The following RAB5C variants were observed in gnomAD, a reference collection of about 807,000 sequenced individuals.
RAB5C encodes RAB5C, member RAS oncogene family.
A neutral mutation model predicts 25.2 loss-of-function variants in RAB5C; 4 were observed. That is an observed-to-expected ratio of 0.16 (90% confidence interval 0.08 to 0.36). The LOEUF (loss-of-function observed/expected upper bound fraction) is 0.36, where lower values mean the gene tolerates loss of function less well. Among genes scored for constraint, RAB5C ranks in the 10% least tolerant of loss-of-function variants. RAB5C has a pLI of 1.00. For synonymous variants in RAB5C, 100 were observed against 106.4 expected (o/e 0.94, Z 0.37); for missense variants, 199 against 283.8 (o/e 0.70, Z 2.15).
At position 42,135,937 on chromosome 17, in the gene RAB5C, G is replaced by C. The variant is rs796901143; in HGVS notation, c.-88-5347C>G. ...CAGGGCAGGCGGGGCGTAGAGACTA[G>C]CTCACTCAAGGTTAGCCAGGTGGCC... On this transcript the variant is annotated intron_variant, in intron 1 of 5. Transcript: ENST00000346213. 2.0e-5 allele frequency among the ~76,000 whole-genome samples: 3 copies of C among 152,156 alleles called. No homozygotes were observed. The South Asian group carries it at 6.2e-4, about 31-fold the overall frequency.
Position 42,125,862 on chromosome 17 carries a change from G to C in RAB5C, c.572C>G (p.Thr191Ser). 1.2e-6 allele frequency: 2 copies of C among 1,612,022 alleles called. No homozygotes were observed. The highest frequency in any genetic ancestry group is 8.5e-7 in the Non-Finnish European group (1 of 1,179,236). ...KLPKNEPQNATGAPGRNRGVD... is the reference protein window; with the variant it reads ...KLPKNEPQNASGAPGRNRGVD... ...ACCTCGGTTTCGGCCTGGAGCACCA[G>C]TTGCATTCTGGGGCTCGTTCTTGGG... is the stretch of plus-strand genomic sequence containing the variant. Residue 191 changes from threonine (T) to serine (S), a missense_variant, in exon 6 of 6, where the codon ACT becomes AGT. By Grantham distance (58) the Thr-to-Ser change is moderately conservative (BLOSUM62 1). Around this residue, in one of 3 missense-constraint regions of RAB5C, gnomAD observed 154 missense variants for 199.6 expected, o/e 0.77. Transcript: ENST00000346213.
At chr17:42,131,874 G>A (rs969830727) in intron 1 of RAB5C, 21 of 435,670 alleles carry the variant, frequency 4.8e-5, no homozygotes, top group African/African-American at 4.0e-4. Flanking sequence ...GATGTCAACA[G>A]ACATCAGAAT....
chr17:42,125,723 T>A lies in RAB5C; in HGVS notation c.*60A>T. On this transcript the variant is annotated 3_prime_UTR_variant, in exon 6 of 6. Coordinates refer to ENST00000346213, the MANE Select transcript of RAB5C (RefSeq NM_004583.4). ...AGTCGTTAAGTGCGATTGGTTAGAG[T>A]GGATTCCAGTCGGGTCATTCAGGCG... is the stretch of plus-strand genomic sequence containing the variant. 1 of 1,255,638 alleles carries A rather than the reference T, an allele frequency of 8.0e-7. No homozygotes were observed. The allele number at this position is 1,255,638 out of a possible 1,614,324, so 77.8% of individuals were successfully genotyped here.
At chr17:42,130,801 AGAG>A (rs2054477849) in intron 1 of RAB5C, among the ~76,000 whole-genome samples, 1 of 151,756 alleles carries the variant, frequency 6.6e-6, no homozygotes, top group East Asian at 1.9e-4. Context: ...TGAGCTGTAA[AGAG>A]GAGAATGGTC....
At chr17:42,128,530 T>TGGGGGGGGGG in intron 3 of RAB5C, 119 bp downstream of exon 3, 5 of 730,784 alleles carry the variant, frequency 6.8e-6, no homozygotes, top group Non-Finnish European at 8.2e-6. Flanking sequence ...ACAGGAAATC[T>TGGGGGGGGGG]GCCCACCCCC....
At chr17:42,141,351 C>T (rs1423773463) in intron 1 of RAB5C, among the ~76,000 whole-genome samples, 1 of 152,196 alleles carries the variant, frequency 6.6e-6, no homozygotes. Context: ...CAGATGAAAA[C>T]AACCACATTA....
At position 42,154,982 on chromosome 17, in the gene RAB5C, C is replaced by A. The variant is rs1029802180; in HGVS notation, c.-178G>T. The A allele has an allele frequency of 2.0e-5, 3 of 152,292 alleles. No individual in the cohort carries two copies. The highest frequency in any genetic ancestry group is 7.2e-5 in the African/African-American group (3 of 41,476). 9.4% of individuals were successfully genotyped at this position (152,292 alleles called of 1,614,324 possible). On this transcript the variant is annotated 5_prime_UTR_variant, in exon 1 of 6. Coordinates refer to ENST00000346213, the MANE Select transcript of RAB5C (RefSeq NM_004583.4). The stretch of plus-strand genomic sequence containing the variant: ...CCGGCGGTGTCCCAGGCTCCGGCCT[C>A]CACTTCCGCCTTTCAGCCGCTCCGG...
intron 1 of RAB5C, among the ~76,000 whole-genome samples, chr17:42,137,349 G>A (rs2054547754): frequency 6.6e-6 from 1 of 150,862 alleles, no homozygotes. Flanking sequence ...GGATGGAGGA[G>A]TTATAACTTG....
chr17:42,125,985 C>T, intron 5 of RAB5C, 87 bp from the exon 6 acceptor site: 1 of 959,278 alleles, frequency 1.0e-6, no homozygotes, highest in South Asian at 1.5e-5. Context: ...CCTTTATACC[C>T]AATCAGTGGT....
intron 1 of RAB5C, among the ~76,000 whole-genome samples, chr17:42,133,248 G>C (rs2054504153): frequency 6.6e-6 from 1 of 152,168 alleles, no homozygotes; most frequent in South Asian, 2.1e-4. Context: ...TCTGTGGCTG[G>C]GGCACTGGAG....
chr17:42,145,055 C>A, intron 1 of RAB5C, among the ~76,000 whole-genome samples: 1 of 149,508 alleles, frequency 6.7e-6, no homozygotes, highest in East Asian at 2.0e-4. Context: ...GGCCTGTAGT[C>A]CCAGCTACTC....
chr17:42,134,942 T>C (rs2054520631), intron 1 of RAB5C, among the ~76,000 whole-genome samples: 1 of 151,208 alleles, frequency 6.6e-6, no homozygotes, highest in Non-Finnish European at 1.5e-5. Flanking sequence ...CTCTGGACAC[T>C]ACAGGTCAGT....
intron 1 of RAB5C, among the ~76,000 whole-genome samples, chr17:42,131,206 G>A (rs527287742): frequency 2.0e-5 from 3 of 152,232 alleles, no homozygotes; most frequent in South Asian, 4.1e-4. Flanking sequence ...AGGACTGACC[G>A]ACTTTCAGTC....
chr17:42,131,234 C>T (rs1168811562), intron 1 of RAB5C, among the ~76,000 whole-genome samples: 3 of 152,188 alleles, frequency 2.0e-5, no homozygotes. Context: ...GGACTGTGTG[C>T]CTCTGTGCAC....
At chr17:42,135,170 C>T (rs1050375268) in intron 1 of RAB5C, among the ~76,000 whole-genome samples, 14 of 151,578 alleles carry the variant, frequency 9.2e-5, no homozygotes, top group African/African-American at 2.7e-4. Flanking sequence ...TTTTTTGTAG[C>T]GGCGGGGTTT....
intron 1 of RAB5C, 121 bp downstream of exon 1, chr17:42,154,772 G>A (rs969701651): frequency 3.3e-5 from 5 of 152,324 alleles, no homozygotes; most frequent in African/African-American, 9.7e-5. Flanking sequence ...CCCTCAAGAG[G>A]GGGCTACGGG....
chr17:42,137,980 A>C lies in RAB5C; in HGVS notation c.-88-7390T>G, dbSNP rs192793138. On this transcript the variant is annotated intron_variant, in intron 1 of 5. Transcript: ENST00000346213. ...AAATGTTAAACACAAATAAGGTGCA[A>C]GACAATGGGATTCCTCATAAAAAAT... 25 of 152,456 alleles carry C rather than the reference A, an allele frequency of 1.6e-4. No individual in the cohort carries two copies. In the East Asian group the frequency reaches 4.1e-3, roughly 25 times the overall value. The allele number at this position is 152,456 out of a possible 1,614,324, so 9.4% of individuals were successfully genotyped here. A position where few individuals can be genotyped will look rare whatever the true frequency, so the allele number is the denominator to read the frequency against.
chr17:42,150,501 G>A lies in RAB5C; in HGVS notation c.-89+4392C>T, dbSNP rs1406512454. Among the ~76,000 whole-genome samples the A allele has an allele frequency of 8.2e-5, 9 of 110,076 alleles. No individual in the cohort carries two copies. In the South Asian group the frequency reaches 9.2e-4, roughly 11 times the overall value. 72.2% of individuals were successfully genotyped at this position (110,076 alleles called of 152,430 possible). ...AGAGGTTGCAGTGAGCCAAGATCAC[G>A]CCATTGCACTCCAGCCTGGGAGACA... On this transcript the variant is annotated intron_variant, in intron 1 of 5. Transcript: ENST00000346213.
At chr17:42,128,501 T>G (rs1327044122) in intron 3 of RAB5C, 118 bp from the exon 4 acceptor site, 29 of 1,456,350 alleles carry the variant, frequency 2.0e-5, no homozygotes, top group South Asian at 2.9e-5. Flanking sequence ...ACCTAAAGAT[T>G]CTGATGCAAT....
Sources: allele counts gnomAD v4.1 joint callset (sites outside exome capture counted in the v4.1 genomes callset), GRCh38; gene constraint gnomAD v4.1.1; regional missense constraint gnomAD v4.1.1; transcripts MANE v1.5; gene names NCBI Gene and HGNC (gene_info 2026-07-23, HGNC 2026-07-21).